The following LRRC39 variants were observed in gnomAD, a reference collection of about 807,000 sequenced individuals.
LRRC39 encodes the protein leucine rich repeat containing 39.
A neutral mutation model predicts 39.7 loss-of-function variants in LRRC39; 35 were observed. The ratio of observed to expected loss-of-function variants is 0.88; its 90% CI spans 0.67 to 1.17. LRRC39 has a LOEUF of 1.17. LRRC39 is among the 50% of genes most tolerant of loss of function. The pLI, the probability that LRRC39 is intolerant of heterozygous loss-of-function variation, is 0.00. For synonymous variants in LRRC39, 113 were observed against 134.1 expected (o/e 0.84, Z 1.09); for missense variants, 357 against 385.8 (o/e 0.93, Z 0.62).
intron 1 of LRRC39, among the ~76,000 whole-genome samples, chr1:100,173,789 TTA>T (rs1422104305): frequency 1.3e-5 from 2 of 152,152 alleles, no homozygotes; most frequent in Non-Finnish European, 2.9e-5. Context: ...GAAAAATCAA[TTA>T]TGTGTCTATA....
At chr1:100,175,614 G>T (rs1471270080) in intron 1 of LRRC39, among the ~76,000 whole-genome samples, 25 of 152,010 alleles carry the variant, frequency 1.6e-4, no homozygotes. Flanking sequence ...CATTAGTGGG[G>T]GAAGATATTG....
At chr1:100,159,110 A>G (rs1015353353) in intron 5 of LRRC39, 149 bp downstream of exon 5, 2 of 473,492 alleles carry the variant, frequency 4.2e-6, no homozygotes, top group Non-Finnish European at 6.8e-6. Context: ...TGAATCCCCT[A>G]GAAGCTTCAA....
chr1:100,169,670 C>T (rs956965123), intron 2 of LRRC39, among the ~76,000 whole-genome samples: 5 of 151,966 alleles, frequency 3.3e-5, no homozygotes, highest in Non-Finnish European at 2.9e-5. Context: ...AAATATATAA[C>T]TATCCCACAG....
At chr1:100,176,626 A>C (rs1027524690) in intron 1 of LRRC39, among the ~76,000 whole-genome samples, 1 of 152,210 alleles carries the variant, frequency 6.6e-6, no homozygotes, top group Non-Finnish European at 1.5e-5. Flanking sequence ...CCATATATAG[A>C]GCCAACAAAA....
chr1:100,153,991 A>C (rs1176870767), intron 8 of LRRC39, among the ~76,000 whole-genome samples: 1 of 151,802 alleles, frequency 6.6e-6, no homozygotes, highest in Non-Finnish European at 1.5e-5. Flanking sequence ...TATGCTTTTG[A>C]TTTTTATGTT....
At chr1:100,179,499 C>CAAAAA (rs60588308), upstream of LRRC39, among the ~76,000 whole-genome samples, 4,487 of 44,266 alleles carry the variant, frequency 0.1, 361 homozygotes, top group East Asian at 0.12. Flanking sequence ...CTGTATCTAC[C>CAAAAA]AAAAAAAAAA....
chr1:100,155,300 T>C, intron 7 of LRRC39, 97 bp from the exon 8 acceptor site: 1 of 1,146,946 alleles, frequency 8.7e-7, no homozygotes. Context: ...GGTCTTATCA[T>C]GTTGTCCAGG....
At chr1:100,161,790 G>T (rs984308026) in intron 3 of LRRC39, among the ~76,000 whole-genome samples, 5 of 152,116 alleles carry the variant, frequency 3.3e-5, no homozygotes, top group African/African-American at 1.2e-4. Context: ...GGGACTACAG[G>T]CATGCTCCAC....
chr1:100,161,441 T>C (rs769901468), intron 3 of LRRC39, among the ~76,000 whole-genome samples: 13 of 152,246 alleles, frequency 8.5e-5, no homozygotes, highest in African/African-American at 1.2e-4. Flanking sequence ...CATTTCTTTT[T>C]GTGGCAGAAT....
At chr1:100,166,355 A>G (rs528377805) in intron 3 of LRRC39, among the ~76,000 whole-genome samples, 1 of 152,304 alleles carries the variant, frequency 6.6e-6, no homozygotes, top group African/African-American at 2.4e-5. Context: ...TCAGAAGAAG[A>G]AAAGAAAATG....
chr1:100,173,553 T>C (rs1659767823), intron 1 of LRRC39, among the ~76,000 whole-genome samples, 183 bp from the exon 2 acceptor site: 1 of 152,214 alleles, frequency 6.6e-6, no homozygotes, highest in African/African-American at 2.4e-5. Context: ...AAGCCTTTCA[T>C]TTAAAATTAG....
chr1:100,176,281 AGC>A (rs1331215896), intron 1 of LRRC39, among the ~76,000 whole-genome samples: 1 of 152,190 alleles, frequency 6.6e-6, no homozygotes, highest in Non-Finnish European at 1.5e-5. Flanking sequence ...ACATAAAATT[AGC>A]CAGGCGTGGT....
chr1:100,170,740 G>T (rs1304317687), intron 2 of LRRC39, among the ~76,000 whole-genome samples: 1 of 150,516 alleles, frequency 6.6e-6, no homozygotes, highest in Non-Finnish European at 1.5e-5. Context: ...TTGAGACAGG[G>T]TCTCACTCTA....
At chr1:100,152,253 G>T in intron 9 of LRRC39, 132 bp downstream of exon 9, 2 of 953,854 alleles carry the variant, frequency 2.1e-6, no homozygotes, top group Admixed American at 2.6e-5. Flanking sequence ...TTGACTAAGA[G>T]AACAGAATTT....
At chr1:100,152,593 A>G (rs915367271) in intron 8 of LRRC39, 69 bp from the exon 9 acceptor site, 3 of 1,518,662 alleles carry the variant, frequency 2.0e-6, no homozygotes, top group Non-Finnish European at 2.7e-6. Flanking sequence ...CCCTGGAGAA[A>G]GGTCAAATGA....
rs573293302 is a variant in LRRC39, at chr1:100,159,454, A to T, written c.220-39T>A. On this transcript the variant is annotated intron_variant, in intron 4 of 9. Coordinates refer to ENST00000370137, the MANE Select transcript of LRRC39 (RefSeq NM_144620.4). Reference sequence around the variant, plus strand: ...AATGATGGTTGTTGTATATTACTTAAATTTTTTTAGTATCACGCCACCCTG... The same window carrying T: ...AATGATGGTTGTTGTATATTACTTATATTTTTTTAGTATCACGCCACCCTG... The T allele has an allele frequency of 5.0e-5, 73 of 1,462,218 alleles. No individual in the cohort carries two copies. In the East Asian group the frequency reaches 1.2e-3, roughly 24 times the overall value. 90.6% of individuals were successfully genotyped at this position (1,462,218 alleles called of 1,614,324 possible).
At chr1:100,175,074 CCCTGAGAAGCAGATGCCAGCACCATGCTT>C (rs68009459) in intron 1 of LRRC39, among the ~76,000 whole-genome samples, 116,873 of 152,050 alleles carry the variant, frequency 0.77, 46,913 homozygotes, top group East Asian at 0.95. Flanking sequence ...ATTGAAAGCT[CCCTGAGAAGCAGATGCCAGCACCATGCTT>C]CCTGTAAAGC....
intron 1 of LRRC39, among the ~76,000 whole-genome samples, chr1:100,176,405 A>G (rs1659955353): frequency 1.3e-5 from 2 of 152,228 alleles, no homozygotes; most frequent in Admixed American, 1.3e-4. Context: ...TACAGACCAG[A>G]CAACAAGAAT....
chr1:100,178,009 T>G (rs1162924866), intron 1 of LRRC39, 126 bp downstream of exon 1: 2 of 152,258 alleles, frequency 1.3e-5, no homozygotes, highest in African/African-American at 2.4e-5. Context: ...TTTTAAATTC[T>G]ATTCCAGTTT....
Sources: gnomAD v4.1 joint callset for allele counts (sites outside exome capture counted in the v4.1 genomes callset) on GRCh38, gnomAD v4.1.1 for gene constraint, MANE v1.5 for transcripts, NCBI Gene and HGNC (gene_info 2026-07-23, HGNC 2026-07-21) for gene names.